The following ZNF718 variants were observed in gnomAD, a reference collection of about 807,000 sequenced individuals.
The protein encoded by ZNF718 is zinc finger protein 718.
ZNF718 carries 3 observed loss-of-function variants against 2.6 expected under a neutral mutation model. The ratio of observed to expected loss-of-function variants is 1.16; its 90% confidence interval spans 0.53 to 3.01. The LOEUF (loss-of-function observed/expected upper bound fraction) is 3.01. ZNF718 is among the 30% of genes most tolerant of loss of function. The pLI is 0.03. For missense variants in ZNF718, 468 were observed against 230.0 expected (o/e 2.03, Z -6.69); for synonymous variants, 135 against 77.9 (o/e 1.73, Z -3.86).
chr4:199,886 TC>T (rs1393174821), intron 3 of ZNF718, among the ~76,000 whole-genome samples: 2 of 152,158 alleles, frequency 1.3e-5, no homozygotes, highest in African/African-American at 4.8e-5. Context: ...TTTTTCTTTT[TC>T]TAGACAATTA....
At chr4:131,220 ACT>A (rs1329258292) in intron 2 of ZNF718, among the ~76,000 whole-genome samples, 188 bp from the exon 3 acceptor site, 1 of 104,088 alleles carries the variant, frequency 9.6e-6, no homozygotes, top group Non-Finnish European at 2.1e-5. Flanking sequence ...ATTCAGTAGT[ACT>A]CGGTAGTGGA....
intron 3 of ZNF718, among the ~76,000 whole-genome samples, chr4:155,569 CT>C (rs1279137718): frequency 6.6e-6 from 1 of 152,144 alleles, no homozygotes; most frequent in Non-Finnish European, 1.5e-5. Flanking sequence ...CTCTAACTTC[CT>C]TGTTTTGGCC....
chr4:136,454 G>A (rs1553809351), intron 3 of ZNF718: 2 of 522,562 alleles, frequency 3.8e-6, no homozygotes, highest in Non-Finnish European at 3.8e-6. Flanking sequence ...GTTTGAGACA[G>A]GTTGCAGAAC....
chr4:170,537 T>G (rs1717201062), intron 3 of ZNF718, among the ~76,000 whole-genome samples: 1 of 146,938 alleles, frequency 6.8e-6, no homozygotes, highest in South Asian at 2.1e-4. Flanking sequence ...CTTGGAGGCT[T>G]TGTTTGTTTC....
rs1715403408 is a variant in ZNF718, at chr4:133,198, ATATATATATATATATATAT to A, written c.226+1694_226+1712del. 2.9e-3 allele frequency among the ~76,000 whole-genome samples: 55 copies of A among 19,278 alleles called. 15 individuals carry two copies. Among genetic ancestry groups the A allele is most frequent in the African/African-American group, 0.014 (55 of 3,836 alleles). The allele number at this position is 19,278 out of a possible 152,430, so 12.6% of individuals were successfully genotyped here. A position where few individuals can be genotyped will look rare whatever the true frequency, so the allele number is the denominator to read the frequency against. ...ATCTTAAAAAAAAAAAAAAAAAAAT[ATATATATATATATATATAT>A]ATATATATATATGGTAACACTAATA... On this transcript the variant is annotated intron_variant, in intron 3 of 3. Transcript: ENST00000510175.
rs1201121712 is a variant in ZNF718, at chr4:163,583, A to G, written c.*1461A>G. 2.0e-5 allele frequency: 3 copies of G among 152,162 alleles called. No homozygotes were observed. The highest frequency in any genetic ancestry group is 4.4e-5 in the Non-Finnish European group (3 of 68,026). 9.4% of individuals were successfully genotyped at this position (152,162 alleles called of 1,614,324 possible). On this transcript the variant is annotated 3_prime_UTR_variant, in exon 4 of 4. Coordinates refer to ENST00000510175, the MANE Select transcript of ZNF718 (RefSeq NM_001039127.6). ...ATGCATGACGTACATGTTCAGAGTA[A>G]TATTCTTCTGCATTATAGTGAGAGA...
chr4:139,014 G>A (rs146992759), intron 3 of ZNF718, among the ~76,000 whole-genome samples: 33 of 152,166 alleles, frequency 2.2e-4, no homozygotes, highest in African/African-American at 7.5e-4. Context: ...TGTGCCTTAT[G>A]TATTCTTGTT....
intron 3 of ZNF718, among the ~76,000 whole-genome samples, chr4:179,983 G>T (rs573228058): frequency 6.6e-6 from 1 of 151,540 alleles, no homozygotes; most frequent in South Asian, 2.1e-4. Flanking sequence ...GAAAGGGAGA[G>T]AAAAAGAAAC....
At chr4:193,411 G>A (rs1717731277) in intron 3 of ZNF718, among the ~76,000 whole-genome samples, 1 of 152,072 alleles carries the variant, frequency 6.6e-6, no homozygotes, top group Non-Finnish European at 1.5e-5. Context: ...TGGGCATGGA[G>A]GACTAGGTAA....
chr4:159,033 C>A (rs7658403), intron 3 of ZNF718, among the ~76,000 whole-genome samples: 1 of 141,658 alleles, frequency 7.1e-6, no homozygotes, highest in East Asian at 2.0e-4. Flanking sequence ...TTCTTTTTTT[C>A]TTTTTTCTTT....
intron 3 of ZNF718, among the ~76,000 whole-genome samples, chr4:159,192 C>T (rs937925052): frequency 6.6e-6 from 1 of 151,762 alleles, no homozygotes; most frequent in Admixed American, 6.6e-5. Context: ...ATGTGCACCA[C>T]ACCTGGCTAA....
chr4:137,134 T>A (rs1333809978), intron 3 of ZNF718, among the ~76,000 whole-genome samples: 2 of 152,174 alleles, frequency 1.3e-5, no homozygotes, highest in Non-Finnish European at 2.9e-5. Flanking sequence ...ACTCACTCTT[T>A]GTTTGCTTTC....
Position 161,534 on chromosome 4 carries a change from C to T in ZNF718, c.849C>T (p.Tyr283=). Residue 283 remains tyrosine, a synonymous_variant, in exon 4 of 4, where the codon TAC becomes TAT. Coordinates refer to ENST00000510175, the MANE Select transcript of ZNF718 (RefSeq NM_001039127.6). ...HKRIHSAQKY[Y]KCEECGKAFK... is the part of the protein sequence containing the mutation. ...GAATTCATTCTGCACAAAAATACTA[C>T]AAATGTGAAGAATGTGGTAAAGCCT... 1.3e-6 allele frequency: 1 copy of T among 780,818 alleles called. No homozygotes were observed. The highest frequency in any genetic ancestry group is 2.4e-6 in the Non-Finnish European group (1 of 417,980). The allele number at this position is 780,818 out of a possible 1,614,324, so 48.4% of individuals were successfully genotyped here.
At chr4:176,315 T>C (rs1296280655) in intron 3 of ZNF718, among the ~76,000 whole-genome samples, 4 of 151,976 alleles carry the variant, frequency 2.6e-5, no homozygotes, top group African/African-American at 9.7e-5. Flanking sequence ...TACAAAACCT[T>C]CCCCCTGCTA....
chr4:124,801 G>A (rs1211610155), intron 1 of ZNF718, 128 bp downstream of exon 1: 2 of 1,298,568 alleles, frequency 1.5e-6, no homozygotes, highest in Non-Finnish European at 2.1e-6. Flanking sequence ...CCCCTCCGGT[G>A]AGGGACCCGC....
chr4:200,409 C>T (rs1470521740), intron 3 of ZNF718, among the ~76,000 whole-genome samples: 4 of 152,182 alleles, frequency 2.6e-5, no homozygotes, highest in Admixed American at 2.6e-4. Flanking sequence ...GCTGGGATTA[C>T]AGGCATGTGC....
Position 162,249 on chromosome 4 carries a change from C to G in ZNF718, c.*127C>G. On this transcript the variant is annotated 3_prime_UTR_variant, in exon 4 of 4. Transcript: ENST00000510175. ...TAACCGCAACTCAATCTGTTCTAAA[C>G]ATAAGAGAAATGGTATTGGTGAGAA... 1 of 544,556 alleles carries G rather than the reference C, an allele frequency of 1.8e-6. No homozygotes were observed. Among genetic ancestry groups the G allele is most frequent in the Non-Finnish European group, 3.3e-6 (1 of 301,856 alleles). The allele number at this position is 544,556 out of a possible 1,614,324, so 33.7% of individuals were successfully genotyped here.
rs115675761 is a variant in ZNF718 at position 156,638 on chromosome 4, C to T, written c.227-4274C>T. On this transcript the variant is annotated intron_variant, in intron 3 of 3. Transcript: ENST00000510175. ...AAAACCATGTATTTCTGTTTTCTGG[C>T]GCTTTGCAAAAACAATTGCTTTCTA... is the stretch of plus-strand genomic sequence containing the variant. Among the ~76,000 whole-genome samples, 682 of 152,166 alleles carry T rather than the reference C, an allele frequency of 4.5e-3. 8 individuals are homozygous for T. The highest frequency in any genetic ancestry group is 0.015 in the African/African-American group (623 of 41,520).
intron 3 of ZNF718, among the ~76,000 whole-genome samples, chr4:133,195 A>AAAAAAAAATATAT (rs1258303094): frequency 9.6e-5 from 2 of 20,772 alleles, no homozygotes; most frequent in African/African-American, 3.4e-4. Flanking sequence ...AAAAAAAAAA[A>AAAAAAAAATATAT]ATATATATAT....
Sources: gnomAD v4.1 joint callset for allele counts (sites outside exome capture counted in the v4.1 genomes callset) on GRCh38, gnomAD v4.1.1 for gene constraint, MANE v1.5 for transcripts, NCBI Gene and HGNC (gene_info 2026-07-23, HGNC 2026-07-21) for gene names.